SDK1: variants seen among roughly 807,000 people sequenced by gnomAD.
SDK1 encodes the protein protein sidekick-1.
A neutral mutation model predicts 245.5 loss-of-function variants in SDK1; 157 were observed. That is an observed-to-expected ratio of 0.64 (90% CI 0.56 to 0.73). The LOEUF (loss-of-function observed/expected upper bound fraction) is 0.73. SDK1 is among the 30% of genes least tolerant of loss of function. The pLI is 0.00. For missense variants in SDK1, 3,583 were observed against 3,002.3 expected, an observed-to-expected ratio of 1.19 and a Z score of -4.52; for synonymous variants, 1,647 against 1,278.5, an observed-to-expected ratio of 1.29 and a Z score of -6.15.
At chr7:3,512,077 A>T (rs1231527532) in intron 1 of SDK1, among the ~76,000 whole-genome samples, 1 of 151,744 alleles carries the variant, frequency 6.6e-6, no homozygotes, top group Admixed American at 6.6e-5. Flanking sequence ...TTTCCTACAG[A>T]GTCCTTTCAC....
intron 44 of SDK1, among the ~76,000 whole-genome samples, chr7:4,257,082 C>T (rs1037331810): frequency 6.6e-6 from 1 of 152,138 alleles, no homozygotes; most frequent in Admixed American, 6.5e-5. Context: ...TGATATCTGC[C>T]GTTCAAATCA....
chr7:3,374,902 T>A (rs1444688079), intron 1 of SDK1, among the ~76,000 whole-genome samples: 2 of 152,240 alleles, frequency 1.3e-5, no homozygotes, highest in African/African-American at 2.4e-5. Flanking sequence ...TTATGCAGTT[T>A]CTTTATAGTC....
chr7:3,536,025 T>TC (rs1274768470), intron 1 of SDK1, among the ~76,000 whole-genome samples: 8 of 151,692 alleles, frequency 5.3e-5, no homozygotes, highest in African/African-American at 1.2e-4. Context: ...AAAATCTAAT[T>TC]CCCCCCCTGC....
At chr7:3,451,658 A>C (rs1199383704) in intron 1 of SDK1, among the ~76,000 whole-genome samples, 1 of 152,204 alleles carries the variant, frequency 6.6e-6, no homozygotes, top group African/African-American at 2.4e-5. Context: ...GATTTACTGA[A>C]ATTTAAGCTA....
At chr7:3,887,674 G>A (rs1400762994) in intron 5 of SDK1, among the ~76,000 whole-genome samples, 1 of 152,184 alleles carries the variant, frequency 6.6e-6, no homozygotes, top group Non-Finnish European at 1.5e-5. Flanking sequence ...TCCTGAAGCA[G>A]ATGATTATTC....
At chr7:3,964,165 G>A (rs1781917209) in intron 9 of SDK1, among the ~76,000 whole-genome samples, 1 of 152,226 alleles carries the variant, frequency 6.6e-6, no homozygotes, top group Non-Finnish European at 1.5e-5. Flanking sequence ...AGCCCCCTGA[G>A]GTAAACAGAA....
Position 4,139,569 on chromosome 7 carries a change from A to ATATGTATATATGTGTG in SDK1, c.4229-6148_4229-6147insATATATGTGTGTATGT, listed in dbSNP as rs1779374496. 2.4e-4 allele frequency among the ~76,000 whole-genome samples: 2 copies of ATATGTATATATGTGTG among 8,286 alleles called. 1 individual carries two copies. The highest frequency in any genetic ancestry group is 1.1e-3 in the African/African-American group (2 of 1,804). The allele number at this position is 8,286 out of a possible 152,430, so 5.4% of individuals were successfully genotyped here. ...TGTGTGTATATGTATATATGTGTGTATATGTGTGTGTGTATGTGTGTGTAT... is the reference window on the plus strand; with the variant it reads ...TGTGTGTATATGTATATATGTGTGTATATGTATATATGTGTGTATGTGTGTGTGTATGTGTGTGTAT... On this transcript the variant is annotated intron_variant, in intron 28 of 44. Coordinates refer to ENST00000404826, the MANE Select transcript of SDK1 (RefSeq NM_152744.4).
chr7:3,898,885 C>A (rs547382990), intron 5 of SDK1, among the ~76,000 whole-genome samples: 2 of 152,120 alleles, frequency 1.3e-5, no homozygotes, highest in East Asian at 3.9e-4. Flanking sequence ...TGTTGTTAAT[C>A]AGTTTAAGGA....
intron 2 of SDK1, among the ~76,000 whole-genome samples, chr7:3,630,708 C>T (rs772418621): frequency 6.6e-6 from 1 of 152,040 alleles, no homozygotes; most frequent in Non-Finnish European, 1.5e-5. Context: ...TCTGTAAGGT[C>T]TTTACACTGA....
At chr7:4,174,433 A>G (rs1479228233) in intron 33 of SDK1, 76 bp downstream of exon 33, 2 of 1,457,782 alleles carry the variant, frequency 1.4e-6, no homozygotes, top group East Asian at 2.3e-5. Context: ...AGTGCACATC[A>G]TGGTGGGAAA....
rs996276669 is a variant in SDK1, at chr7:3,919,838, G to C, written c.848-31085G>C. Among the ~76,000 whole-genome samples the C allele has an allele frequency of 6.6e-5, 10 of 152,138 alleles. 1 individual carries two copies. The highest frequency in any genetic ancestry group is 1.5e-4 in the Non-Finnish European group (10 of 68,024). ...GGCTGCACTCATACCTCACGTCTCA[G>C]ACACAGACTTGGACCTCAGGGAGGT... On this transcript the variant is annotated intron_variant, in intron 5 of 44. Transcript: ENST00000404826.
intron 2 of SDK1, among the ~76,000 whole-genome samples, chr7:3,620,618 A>G (rs763901800): frequency 1.3e-5 from 2 of 152,034 alleles, no homozygotes; most frequent in African/African-American, 4.8e-5. Flanking sequence ...AGCTGCCAAC[A>G]TTTGACAGTT....
Position 3,350,255 on chromosome 7 carries a change from G to A in SDK1, c.298+48371G>A, listed in dbSNP as rs1004152716. Among the ~76,000 whole-genome samples, 12 of 152,158 alleles carry A rather than the reference G, an allele frequency of 7.9e-5. 1 individual carries two copies. On this transcript the variant is annotated intron_variant, in intron 1 of 44. Transcript: ENST00000404826. Reference sequence around the variant, plus strand: ...AAGAAGTTGTCACTTAACAATGAGTGTGGAAAAAAACAAAGTTTATCAGTG... The same window carrying A: ...AAGAAGTTGTCACTTAACAATGAGTATGGAAAAAAACAAAGTTTATCAGTG...
intron 35 of SDK1, among the ~76,000 whole-genome samples, chr7:4,183,890 T>C (rs960134299): frequency 6.6e-6 from 1 of 152,176 alleles, no homozygotes; most frequent in Non-Finnish European, 1.5e-5. Flanking sequence ...GGCTTGGCTC[T>C]TGCACACCCA....
At position 3,705,070 on chromosome 7, in the gene SDK1, A is replaced by G. The variant is rs139532146; in HGVS notation, c.713+62965A>G. ...ATGTGTCTACTTTTGTATCAGTACC[A>G]TGCTGTTTTGGTAACTGTAGTTTTG... On this transcript the variant is annotated intron_variant, in intron 4 of 44. Coordinates refer to ENST00000404826, the MANE Select transcript of SDK1 (RefSeq NM_152744.4). Among the ~76,000 whole-genome samples, 191 of 152,292 alleles carry G rather than the reference A, an allele frequency of 1.3e-3. 2 individuals are homozygous for G. Among genetic ancestry groups the G allele is most frequent in the African/African-American group, 4.2e-3 (173 of 41,558 alleles).
At chr7:3,594,321 G>A (rs776506227) in intron 1 of SDK1, among the ~76,000 whole-genome samples, 5 of 152,164 alleles carry the variant, frequency 3.3e-5, no homozygotes, top group Admixed American at 6.5e-5. Context: ...AAAGTGTGTG[G>A]ATATACCACA....
chr7:4,067,748 T>G lies in SDK1; in HGVS notation c.2912-90T>G, dbSNP rs912511371. On this transcript the variant is annotated intron_variant, in intron 19 of 44. Coordinates refer to ENST00000404826, the MANE Select transcript of SDK1 (RefSeq NM_152744.4). ...GTTTTGCAGCCCCAGCTCACCACTTTCCTTCCATAGTTAGAACCTTCCCCA... is the reference window on the plus strand; with the variant it reads ...GTTTTGCAGCCCCAGCTCACCACTTGCCTTCCATAGTTAGAACCTTCCCCA... 6 of 908,354 alleles carry G rather than the reference T, an allele frequency of 6.6e-6. No homozygotes were observed. In the East Asian group the frequency reaches 1.1e-4, roughly 16 times the overall value. 56.3% of individuals were successfully genotyped at this position (908,354 alleles called of 1,614,324 possible).
At chr7:3,345,586 T>C (rs931985551) in intron 1 of SDK1, among the ~76,000 whole-genome samples, 1 of 152,208 alleles carries the variant, frequency 6.6e-6, no homozygotes, top group African/African-American at 2.4e-5. Flanking sequence ...GGAAATTATT[T>C]CTGATTTGAA....
At chr7:3,602,181 G>A (rs1482611166) in intron 1 of SDK1, among the ~76,000 whole-genome samples, 1 of 151,738 alleles carries the variant, frequency 6.6e-6, no homozygotes, top group African/African-American at 2.4e-5. Context: ...ATAATCCTTT[G>A]GGTATATACC....
Sources: gnomAD v4.1 joint callset for allele counts (sites outside exome capture counted in the v4.1 genomes callset) on GRCh38, gnomAD v4.1.1 for gene constraint, MANE v1.5 for transcripts, NCBI Gene and HGNC (gene_info 2026-07-23, HGNC 2026-07-21) for gene names.